Variants in MAST3 observed in about 807,000 individuals in gnomAD.
MAST3 encodes microtubule-associated serine/threonine-protein kinase 3.
Under a neutral mutation model 127.0 loss-of-function variants are expected in MAST3, and 43 were observed. The observed-to-expected ratio is 0.34, with a 90% CI of 0.27 to 0.44. The LOEUF (loss-of-function observed/expected upper bound fraction) is 0.44. Among genes scored for constraint, MAST3 ranks in the 20% least tolerant of loss-of-function variants. The probability of loss-of-function intolerance (pLI) is 1.00; values close to 1 mark genes in which losing one functional copy is unlikely to be tolerated. For missense variants in MAST3, 1,390 were observed against 1,919.1 expected, an observed-to-expected ratio of 0.72 and a Z score of 5.15; for synonymous variants, 785 against 809.2, an observed-to-expected ratio of 0.97 and a Z score of 0.51.
At chr19:18,105,877 C>G (rs1307861453) in intron 1 of MAST3, among the ~76,000 whole-genome samples, 2 of 152,012 alleles carry the variant, frequency 1.3e-5, no homozygotes, top group Admixed American at 6.6e-5. Flanking sequence ...CCCACGCCCC[C>G]ACTGGTACCC....
intron 2 of MAST3, among the ~76,000 whole-genome samples, chr19:18,108,397 CCTCT>C (rs2038238720): frequency 6.6e-6 from 1 of 151,062 alleles, no homozygotes; most frequent in Non-Finnish European, 1.5e-5. Context: ...AGACGGGGTC[CCTCT>C]CTCTCTGTCA....
Position 18,145,311 on chromosome 19 carries a change from G to C in MAST3, c.3039+82G>C. 1.4e-6 allele frequency: 2 copies of C among 1,384,004 alleles called. No individual in the cohort carries two copies. The highest frequency in any genetic ancestry group is 1.2e-5 in the South Asian group (1 of 82,994). The allele number at this position is 1,384,004 out of a possible 1,614,324, so 85.7% of individuals were successfully genotyped here. A position where few individuals can be genotyped will look rare whatever the true frequency, so the allele number is the denominator to read the frequency against. ...ATGTCCCTTCTCAGAGCTGCATTTT[G>C]GAGCCTGGCAGGGTTAGGTAGATAG... On this transcript the variant is annotated intron_variant, in intron 24 of 27. Transcript: ENST00000687212. This position sits in a 1 kb window ranked among gnomAD's most constrained non-coding sequence, Gnocchi z 5.9.
chr19:18,130,442 C>T (rs1281871377), intron 13 of MAST3, 52 bp from the exon 14 acceptor site: 15 of 1,499,036 alleles, frequency 1.0e-5, no homozygotes, highest in Non-Finnish European at 1.4e-5. Context: ...AGCTGTAGTG[C>T]CTGCTGGGGC....
chr19:18,123,474 G>A (rs2040232752), intron 7 of MAST3, 100 bp downstream of exon 7: 1 of 1,479,826 alleles, frequency 6.8e-7, no homozygotes, highest in Admixed American at 2.2e-5. Context: ...CCCTGCCTGA[G>A]CCTAGCCTCT....
Position 18,145,806 on chromosome 19 carries a change from A to G in MAST3, c.3103A>G (p.Ile1035Val). The change falls in exon 25 of 28, where the codon ATC becomes GTC. Residue 1035 changes from isoleucine to valine, a missense_variant. Around this residue, in one of 5 missense-constraint regions of MAST3, gnomAD observed 816 missense variants for 934.1 expected, o/e 0.87. Transcript: ENST00000687212. This position sits in a 1 kb window ranked among gnomAD's most constrained non-coding sequence, Gnocchi z 5.9. ...GLRAGDLITH[I>V]NGESVLGLVH... ...GCGGGCTGGGGACCTCATCACCCACATCAACGGGGAGTCAGTGCTGGGGCT... is the reference window on the plus strand; with the variant it reads ...GCGGGCTGGGGACCTCATCACCCACGTCAACGGGGAGTCAGTGCTGGGGCT... The G allele has an allele frequency of 1.4e-5, 22 of 1,593,078 alleles. No homozygotes were observed. Among genetic ancestry groups the G allele is most frequent in the Non-Finnish European group, 1.9e-5 (22 of 1,172,870 alleles).
rs532681238 is a variant in MAST3, at chr19:18,149,283, G to A, written c.3601G>A (p.Gly1201Ser). The change falls in exon 28 of 28, where the codon GGC (glycine) becomes AGC (serine). Residue 1201 changes from glycine (G) to serine (S), a missense_variant. This residue lies in a region of MAST3 where 816 missense variants were observed against 934.1 expected (regional missense o/e 0.87). Transcript: ENST00000687212. This position sits in a 1 kb window ranked among gnomAD's most constrained non-coding sequence, Gnocchi z 5.9. ...AGHTRPSSLH[G>S]LAAKLGPPRP... ...CCACACCCGCCCCAGCTCCCTGCAC[G>A]GCCTGGCTGCCAAGCTTGGGCCACC... is the stretch of plus-strand genomic sequence containing the variant. 26 of 1,532,912 alleles carry A rather than the reference G, an allele frequency of 1.7e-5. No individual in the cohort carries two copies. Among genetic ancestry groups the A allele is most frequent in the South Asian group, 8.5e-5 (7 of 82,412 alleles). The allele number at this position is 1,532,912 out of a possible 1,614,324, so 95.0% of individuals were successfully genotyped here.
At chr19:18,114,960 G>A (rs1286882893) in intron 3 of MAST3, among the ~76,000 whole-genome samples, 1 of 152,166 alleles carries the variant, frequency 6.6e-6, no homozygotes, top group East Asian at 1.9e-4. Context: ...GAACGGGGGT[G>A]TCTGTATATC....
chr19:18,141,281 T>TCCC (rs1390226519), intron 20 of MAST3, among the ~76,000 whole-genome samples: 3 of 152,048 alleles, frequency 2.0e-5, no homozygotes, highest in African/African-American at 7.3e-5. Flanking sequence ...TGGGCTAAAG[T>TCCC]CTATGCTCTT....
rs754182060 is a variant in MAST3, at chr19:18,130,497, C to T, written c.1227C>T (p.Ala409=). ...AAGCCTGGCCCTCTGTCCCCAGGGC[C>T]GTCTACCTGGTGCGGCACCGTGACA... is the stretch of plus-strand genomic sequence containing the variant. ...IKLISNGAYG[A]VYLVRHRDTR... is the part of the protein sequence containing the mutation. Residue 409 remains alanine (A), a synonymous_variant, in exon 14 of 28, where the codon GCC becomes GCT. Coordinates refer to ENST00000687212, the MANE Select transcript of MAST3 (RefSeq NM_001393504.1). 5.0e-6 allele frequency: 8 copies of T among 1,595,848 alleles called. No individual in the cohort carries two copies. In the Admixed American group the frequency reaches 8.8e-5, roughly 18 times the overall value.
rs376962500 is a variant in MAST3, at chr19:18,111,013, C to T, written c.161+272C>T. On this transcript the variant is annotated intron_variant, in intron 3 of 27. Coordinates refer to ENST00000687212, the MANE Select transcript of MAST3 (RefSeq NM_001393504.1). ...CCAAGGACTTCGCCAAGACAGGTGC[C>T]GGATTCCCAAGCGGCTCAGGGCACT... 8.5e-5 allele frequency among the ~76,000 whole-genome samples: 13 copies of T among 152,236 alleles called. No homozygotes were observed. The East Asian group carries it at 1.3e-3, about 16-fold the overall frequency.
At chr19:18,107,694 A>C in intron 2 of MAST3, 76 bp downstream of exon 2, 2 of 1,371,584 alleles carry the variant, frequency 1.5e-6, no homozygotes. Context: ...ACAGCCACTG[A>C]ATTGTGAATG....
chr19:18,123,500 A>G (rs2040234859), intron 7 of MAST3, 80 bp from the exon 8 acceptor site: 13 of 1,464,534 alleles, frequency 8.9e-6, no homozygotes, highest in South Asian at 1.4e-5. Flanking sequence ...TTGTCCCTCA[A>G]CCCTGGCTCA....
In MAST3 at chr19:18,144,749, G is replaced by T. The variant is rs781295004; in HGVS notation, c.2812+56G>T. ...TGTCTGCACCCATTTTCACCAACAGGGTGGGGGCCCTTCCTGAGTTGGGGA... is the reference window on the plus strand; with the variant it reads ...TGTCTGCACCCATTTTCACCAACAGTGTGGGGGCCCTTCCTGAGTTGGGGA... On this transcript the variant is annotated intron_variant, in intron 23 of 27. Coordinates refer to ENST00000687212, the MANE Select transcript of MAST3 (RefSeq NM_001393504.1). The surrounding 1 kb of genome is among the most constrained non-coding windows in gnomAD (Gnocchi z 4.0). 4.1e-5 allele frequency: 65 copies of T among 1,576,516 alleles called. No homozygotes were observed. The highest frequency in any genetic ancestry group is 5.6e-5 in the Non-Finnish European group (65 of 1,158,938).
At chr19:18,111,702 T>C (rs1423215136) in intron 3 of MAST3, among the ~76,000 whole-genome samples, 1 of 151,962 alleles carries the variant, frequency 6.6e-6, no homozygotes, top group African/African-American at 2.4e-5. Flanking sequence ...ATCCAGCTAA[T>C]TTTTGTATTT....
chr19:18,138,186 C>T (rs1450152333), intron 19 of MAST3, among the ~76,000 whole-genome samples: 1 of 143,372 alleles, frequency 7.0e-6, no homozygotes, highest in Admixed American at 7.4e-5. Flanking sequence ...CTCCAGCTTG[C>T]GCAACAAGAG....
At chr19:18,137,910 G>A (rs1043231193) in intron 19 of MAST3, among the ~76,000 whole-genome samples, 2 of 152,064 alleles carry the variant, frequency 1.3e-5, no homozygotes, top group African/African-American at 2.4e-5. Context: ...TTATGTTGGA[G>A]ATGCACAATT....
Position 18,150,345 on chromosome 19 carries a change from A to G in MAST3, c.*619A>G, listed in dbSNP as rs2147918716. The G allele has an allele frequency of 6.6e-6, 1 of 152,512 alleles. No homozygotes were observed. Among genetic ancestry groups the G allele is most frequent in the East Asian group, 1.9e-4 (1 of 5,194 alleles). The allele number at this position is 152,512 out of a possible 1,614,324, so 9.4% of individuals were successfully genotyped here. Reference sequence around the variant, plus strand: ...GAGCCGCCCCCTGAAGGCGGCTGCCAGGTCTTGCCCCAGGCACCTGGGACT... The same window carrying G: ...GAGCCGCCCCCTGAAGGCGGCTGCCGGGTCTTGCCCCAGGCACCTGGGACT... On this transcript the variant is annotated 3_prime_UTR_variant, in exon 28 of 28. Coordinates refer to ENST00000687212, the MANE Select transcript of MAST3 (RefSeq NM_001393504.1).
At chr19:18,102,555 C>G (rs892131656) in intron 1 of MAST3, among the ~76,000 whole-genome samples, 5 of 149,676 alleles carry the variant, frequency 3.3e-5, no homozygotes, top group African/African-American at 1.2e-4. Context: ...GGTCTTGGCT[C>G]ACTGCAACCT....
chr19:18,101,415 G>A (rs2037609523), intron 1 of MAST3, among the ~76,000 whole-genome samples: 1 of 147,812 alleles, frequency 6.8e-6, no homozygotes, highest in South Asian at 2.1e-4. Context: ...CTGGTGCCAT[G>A]TGGTCCATGC....
Sources: gnomAD v4.1 joint callset for allele counts (sites outside exome capture counted in the v4.1 genomes callset) on GRCh38, gnomAD v4.1.1 for gene constraint, gnomAD v4.1.1 regional missense constraint, Gnocchi (gnomAD v3.1) non-coding constraint, MANE v1.5 for transcripts, NCBI Gene and HGNC (gene_info 2026-07-23, HGNC 2026-07-21) for gene names.